PTPN14: variants seen among roughly 807,000 people sequenced by gnomAD.
PTPN14 encodes tyrosine-protein phosphatase non-receptor type 14.
In PTPN14, 53 loss-of-function variants were observed where a neutral mutation model predicts 126.8. That is an observed-to-expected ratio of 0.42 (90% CI 0.34 to 0.53). PTPN14 has a LOEUF of 0.53. PTPN14 is among the 20% of genes least tolerant of loss of function. The probability of loss-of-function intolerance (pLI) is 0.08; values close to 1 mark genes in which losing one functional copy is unlikely to be tolerated. For missense variants in PTPN14, 1,257 were observed against 1,552.9 expected, an observed-to-expected ratio of 0.81 and a Z score of 3.20; for synonymous variants, 630 against 599.3, an observed-to-expected ratio of 1.05 and a Z score of -0.75.
intron 1 of PTPN14, among the ~76,000 whole-genome samples, chr1:214,484,674 G>T (rs1661072720): frequency 6.6e-6 from 1 of 152,214 alleles, no homozygotes; most frequent in South Asian, 2.1e-4. Context: ...TAACTTTAGA[G>T]ACACAAGGTA....
At chr1:214,472,476 AGTT>A (rs1348110894) in intron 1 of PTPN14, among the ~76,000 whole-genome samples, 2 of 152,172 alleles carry the variant, frequency 1.3e-5, no homozygotes, top group Non-Finnish European at 2.9e-5. Flanking sequence ...TTTTCTTGTA[AGTT>A]ACCCAGTCTC....
chr1:214,427,036 T>C (rs1038175617), intron 3 of PTPN14, among the ~76,000 whole-genome samples: 1 of 152,148 alleles, frequency 6.6e-6, no homozygotes, highest in African/African-American at 2.4e-5. Context: ...ATCCCAGCAC[T>C]TTGTGGGGCC....
intron 1 of PTPN14, among the ~76,000 whole-genome samples, chr1:214,523,346 G>A (rs1028223281): frequency 1.3e-5 from 2 of 151,972 alleles, no homozygotes; most frequent in African/African-American, 2.4e-5. Context: ...AATTAATGAC[G>A]GACCACATAC....
intron 1 of PTPN14, among the ~76,000 whole-genome samples, chr1:214,497,037 C>T (rs1290261209): frequency 6.6e-6 from 1 of 151,894 alleles, no homozygotes; most frequent in Non-Finnish European, 1.5e-5. Flanking sequence ...TAAATTAAAA[C>T]TCCTGTATGG....
intron 3 of PTPN14, among the ~76,000 whole-genome samples, chr1:214,437,818 T>C (rs1659953866): frequency 6.6e-6 from 1 of 152,190 alleles, no homozygotes; most frequent in Non-Finnish European, 1.5e-5. Context: ...CCAACATCCA[T>C]CTACTAACAG....
chr1:214,384,923 T>C lies in PTPN14; in HGVS notation c.1067-135A>G, dbSNP rs1269152304. On this transcript the variant is annotated intron_variant, in intron 12 of 18. Transcript: ENST00000366956. The surrounding 1 kb of genome is among the most constrained non-coding windows in gnomAD (Gnocchi z 5.3). ...AAATCCCATGGTCTCCACCCACATG[T>C]TCTATAGAATAACAGATACTATCTT... The C allele has an allele frequency of 5.0e-6, 5 of 1,005,840 alleles. No homozygotes were observed. The highest frequency in any genetic ancestry group is 1.6e-5 in the South Asian group (1 of 60,926). 62.3% of individuals were successfully genotyped at this position (1,005,840 alleles called of 1,614,324 possible). A position where few individuals can be genotyped will look rare whatever the true frequency, so the allele number is the denominator to read the frequency against.
chr1:214,462,075 G>C (rs1401144286), intron 2 of PTPN14, among the ~76,000 whole-genome samples: 1 of 152,060 alleles, frequency 6.6e-6, no homozygotes, highest in East Asian at 1.9e-4. Flanking sequence ...ATTCCCAAAA[G>C]GGCACAACTT....
At chr1:214,367,485 C>A (rs1571953254) in intron 17 of PTPN14, among the ~76,000 whole-genome samples, 1 of 152,170 alleles carries the variant, frequency 6.6e-6, no homozygotes, top group Non-Finnish European at 1.5e-5. Flanking sequence ...GTCTTGAGAA[C>A]CTGTTCTCTC....
chr1:214,488,937 A>G (rs1368717731), intron 1 of PTPN14, among the ~76,000 whole-genome samples: 2 of 152,232 alleles, frequency 1.3e-5, no homozygotes, highest in Non-Finnish European at 2.9e-5. Flanking sequence ...GCTTCTCGAA[A>G]TATGAAATTC....
intron 18 of PTPN14, among the ~76,000 whole-genome samples, chr1:214,358,714 A>G (rs1002608588): frequency 3.2e-4 from 48 of 151,666 alleles, no homozygotes; most frequent in African/African-American, 1.1e-3. Context: ...TTTAGTGCAC[A>G]GTGAGTGCTT....
intron 1 of PTPN14, among the ~76,000 whole-genome samples, chr1:214,518,478 A>G (rs898684215): frequency 3.9e-5 from 6 of 152,222 alleles, no homozygotes; most frequent in Admixed American, 1.3e-4. Context: ...TTTTGTCTTG[A>G]ATAGTATTAT....
At chr1:214,424,414 G>A (rs114150196) in intron 3 of PTPN14, among the ~76,000 whole-genome samples, 1,638 of 152,210 alleles carry the variant, frequency 0.011, 35 homozygotes, top group African/African-American at 0.037. Flanking sequence ...GCAAAATAGG[G>A]GCTATCTGCT....
chr1:214,446,735 C>CAA (rs56887546), intron 3 of PTPN14, among the ~76,000 whole-genome samples: 36 of 145,110 alleles, frequency 2.5e-4, no homozygotes, highest in African/African-American at 7.7e-4. Context: ...ATATACACAG[C>CAA]AAAAAAAAAA....
At chr1:214,377,886 A>T in intron 14 of PTPN14, 73 bp downstream of exon 14, 1 of 1,519,478 alleles carries the variant, frequency 6.6e-7, no homozygotes, top group Middle Eastern at 1.8e-4. Flanking sequence ...ATGCTGGCAT[A>T]TTCGGGCAAG....
At chr1:214,410,056 A>C (rs1173698384) in intron 5 of PTPN14, among the ~76,000 whole-genome samples, 1 of 151,850 alleles carries the variant, frequency 6.6e-6, no homozygotes, top group Middle Eastern at 3.2e-3. Context: ...CCCTTATCTG[A>C]TGTATAATTT....
At chr1:214,437,126 T>G (rs1039067328) in intron 3 of PTPN14, among the ~76,000 whole-genome samples, 3 of 151,994 alleles carry the variant, frequency 2.0e-5, no homozygotes, top group African/African-American at 7.3e-5. Flanking sequence ...TGGAAAGAAA[T>G]AATGTTTTCA....
intron 3 of PTPN14, among the ~76,000 whole-genome samples, chr1:214,432,991 C>T (rs561522852): frequency 6.6e-6 from 1 of 152,212 alleles, no homozygotes; most frequent in Non-Finnish European, 1.5e-5. Flanking sequence ...GCAAGCTCTG[C>T]CTCCCAGGTT....
chr1:214,388,213 C>T (rs565086243), intron 11 of PTPN14, among the ~76,000 whole-genome samples: 4 of 152,136 alleles, frequency 2.6e-5, no homozygotes, highest in Admixed American at 1.3e-4. Context: ...TAACCTCAGT[C>T]GGTCTCAGTT....
chr1:214,391,119 G>T, intron 10 of PTPN14, 74 bp from the exon 11 acceptor site: 1 of 1,183,636 alleles, frequency 8.4e-7, no homozygotes, highest in Non-Finnish European at 1.2e-6. Context: ...AAGGGAAGGA[G>T]AGGAAGAGAA....
Sources: gnomAD v4.1 joint callset for allele counts (sites outside exome capture counted in the v4.1 genomes callset) on GRCh38, gnomAD v4.1.1 for gene constraint, Gnocchi (gnomAD v3.1) non-coding constraint, MANE v1.5 for transcripts, NCBI Gene and HGNC (gene_info 2026-07-23, HGNC 2026-07-21) for gene names.